The following GBE1 variants were observed in gnomAD, a reference collection of about 807,000 sequenced individuals.
The protein encoded by GBE1 is 1,4-alpha-glucan-branching enzyme.
A neutral mutation model predicts 88.8 loss-of-function variants in GBE1; 70 were observed. That is an observed-to-expected ratio of 0.79 (90% CI 0.65 to 0.96). The LOEUF (loss-of-function observed/expected upper bound fraction) is 0.96. Among genes scored for constraint, GBE1 ranks in the 40% least tolerant of loss-of-function variants. The pLI is 0.00. For missense variants in GBE1, 872 were observed against 871.0 expected, an observed-to-expected ratio of 1.00 and a Z score of -0.01; for synonymous variants, 284 against 300.1, an observed-to-expected ratio of 0.95 and a Z score of 0.56.
intron 12 of GBE1, among the ~76,000 whole-genome samples, chr3:81,547,246 G>C (rs374522505): frequency 2.6e-5 from 4 of 151,402 alleles, no homozygotes; most frequent in Non-Finnish European, 5.9e-5. Flanking sequence ...ACTTGGGTTC[G>C]AGGCCCAACT....
chr3:81,687,286 G>A (rs1026796569), intron 2 of GBE1, among the ~76,000 whole-genome samples: 1 of 152,170 alleles, frequency 6.6e-6, no homozygotes, highest in Non-Finnish European at 1.5e-5. Flanking sequence ...CAGATGGAGA[G>A]GCTGAGGGGA....
intron 7 of GBE1, among the ~76,000 whole-genome samples, chr3:81,637,201 C>G (rs1464951446): frequency 6.6e-6 from 1 of 152,140 alleles, no homozygotes; most frequent in Non-Finnish European, 1.5e-5. Context: ...ACTGTACTCA[C>G]TCTTCTTCTT....
chr3:81,614,773 C>T (rs1360141991), intron 7 of GBE1, among the ~76,000 whole-genome samples: 4 of 152,150 alleles, frequency 2.6e-5, no homozygotes, highest in Non-Finnish European at 5.9e-5. Context: ...GCAGGAGAAT[C>T]GCTTGAACCC....
At chr3:81,503,562 G>T (rs182991342) in intron 14 of GBE1, among the ~76,000 whole-genome samples, 2 of 152,154 alleles carry the variant, frequency 1.3e-5, no homozygotes, top group African/African-American at 2.4e-5. Flanking sequence ...TGTGGGAAAG[G>T]AGAGACATAG....
chr3:81,696,325 C>T (rs1360148303), intron 2 of GBE1, among the ~76,000 whole-genome samples: 1 of 152,130 alleles, frequency 6.6e-6, no homozygotes. Flanking sequence ...AACCTCTCCA[C>T]AATGCAAAAC....
intron 7 of GBE1, among the ~76,000 whole-genome samples, chr3:81,596,436 G>A (rs1005954319): frequency 1.6e-4 from 24 of 151,584 alleles, no homozygotes; most frequent in Admixed American, 6.6e-4. Context: ...ATCTCTCCCC[G>A]CTAAGTCGAT....
Position 81,671,522 on chromosome 3 carries a change from G to A in GBE1, c.314-569C>T, listed in dbSNP as rs556660763. Among the ~76,000 whole-genome samples the A allele has an allele frequency of 4.6e-5, 7 of 152,138 alleles. No homozygotes were observed. In the East Asian group the frequency reaches 9.7e-4, roughly 21 times the overall value. ...CCAACAAGAGCAGACTCACACACAC[G>A]ACACTTAACGTATCATAAGGGAGGC... On this transcript the variant is annotated intron_variant, in intron 2 of 15. Coordinates refer to ENST00000429644, the MANE Select transcript of GBE1 (RefSeq NM_000158.4).
intron 2 of GBE1, among the ~76,000 whole-genome samples, chr3:81,696,580 A>G (rs1705599148): frequency 6.6e-6 from 1 of 152,218 alleles, no homozygotes; most frequent in Admixed American, 6.5e-5. Context: ...TAACTTGATA[A>G]GAGAATATGA....
At chr3:81,557,547 G>A (rs1484377029) in intron 12 of GBE1, among the ~76,000 whole-genome samples, 3 of 151,896 alleles carry the variant, frequency 2.0e-5, no homozygotes, top group African/African-American at 7.2e-5. Flanking sequence ...AGAAGAAAGG[G>A]TATCAAGATT....
chr3:81,507,349 G>A (rs1471104585), intron 14 of GBE1, among the ~76,000 whole-genome samples: 1 of 152,082 alleles, frequency 6.6e-6, no homozygotes, highest in African/African-American at 2.4e-5. Context: ...CAGATCACGA[G>A]GTCAGGAGAT....
intron 5 of GBE1, among the ~76,000 whole-genome samples, chr3:81,647,592 A>T (rs771084126): frequency 6.6e-6 from 1 of 152,130 alleles, no homozygotes. Flanking sequence ...TTCGAATATG[A>T]TTTCATTACT....
At chr3:81,494,054 T>C (rs1702472129) in intron 15 of GBE1, among the ~76,000 whole-genome samples, 3 of 152,150 alleles carry the variant, frequency 2.0e-5, no homozygotes. Flanking sequence ...TTCACAATTG[T>C]ACAGTATCAT....
intron 2 of GBE1, among the ~76,000 whole-genome samples, chr3:81,700,125 G>T (rs1164145489): frequency 1.3e-5 from 2 of 152,164 alleles, no homozygotes; most frequent in African/African-American, 4.8e-5. Context: ...CCACTACAGC[G>T]AAAATGAACA....
rs754335538 is a variant in GBE1, at chr3:81,705,541, G to A, written c.216C>T (p.Gly72=). The change falls in exon 2 of 16, where the codon GGC becomes GGT. Residue 72 remains glycine, a synonymous_variant. Coordinates refer to ENST00000429644, the MANE Select transcript of GBE1 (RefSeq NM_000158.4). ...ATCTGTGGACGCCAAATGATTCATAGCCTCTGGAAAACTTATCAATACCAC... is the reference window on the plus strand; with the variant it reads ...ATCTGTGGACGCCAAATGATTCATAACCTCTGGAAAACTTATCAATACCAC... ...NEGGIDKFSR[G]YESFGVHRCA... is the part of the protein sequence containing the mutation. 1.3e-6 allele frequency: 2 copies of A among 1,596,962 alleles called. No homozygotes were observed. The highest frequency in any genetic ancestry group is 2.3e-5 in the South Asian group (2 of 88,102).
In GBE1 at chr3:81,490,546, C is replaced by T; in HGVS notation, c.2053-83G>A. 4 of 1,081,682 alleles carry T rather than the reference C, an allele frequency of 3.7e-6. 1 individual carries two copies. The highest frequency in any genetic ancestry group is 2.6e-5 in the South Asian group (2 of 76,538). The allele number at this position is 1,081,682 out of a possible 1,614,324, so 67.0% of individuals were successfully genotyped here. On this transcript the variant is annotated intron_variant, in intron 15 of 15. Coordinates refer to ENST00000429644, the MANE Select transcript of GBE1 (RefSeq NM_000158.4). Reference sequence around the variant, plus strand: ...ATGTCAAAGAAACATAGGCATGACGCAGTCTCACATCTGCCTAAAGTTACA... The same window carrying T: ...ATGTCAAAGAAACATAGGCATGACGTAGTCTCACATCTGCCTAAAGTTACA...
chr3:81,628,763 A>G lies in GBE1; in HGVS notation c.992+14018T>C, dbSNP rs1047864336. 1.0e-3 allele frequency among the ~76,000 whole-genome samples: 126 copies of G among 124,524 alleles called. 1 individual carries two copies. Among genetic ancestry groups the G allele is most frequent in the African/African-American group, 3.5e-3 (111 of 31,988 alleles). The allele number at this position is 124,524 out of a possible 152,430, so 81.7% of individuals were successfully genotyped here. A position where few individuals can be genotyped will look rare whatever the true frequency, so the allele number is the denominator to read the frequency against. On this transcript the variant is annotated intron_variant, in intron 7 of 15. Coordinates refer to ENST00000429644, the MANE Select transcript of GBE1 (RefSeq NM_000158.4). ...ATTGCATATATATATATATATATAT[A>G]TATATATATATATATATATAGCAAC...
At chr3:81,627,979 T>C (rs1704442553) in intron 7 of GBE1, among the ~76,000 whole-genome samples, 1 of 151,902 alleles carries the variant, frequency 6.6e-6, no homozygotes, top group Non-Finnish European at 1.5e-5. Context: ...TTTTAATATT[T>C]TAAATCTTAT....
chr3:81,496,378 G>A (rs1421425491), intron 15 of GBE1, among the ~76,000 whole-genome samples: 1 of 152,162 alleles, frequency 6.6e-6, no homozygotes, highest in Non-Finnish European at 1.5e-5. Context: ...AGATTCCTTC[G>A]GGCTGTTTGT....
At chr3:81,666,324 G>C (rs1298982054) in intron 3 of GBE1, among the ~76,000 whole-genome samples, 1 of 152,066 alleles carries the variant, frequency 6.6e-6, no homozygotes, top group Non-Finnish European at 1.5e-5. Flanking sequence ...TATAAGAAGG[G>C]CTACTTTTCT....
Sources: allele counts gnomAD v4.1 joint callset (sites outside exome capture counted in the v4.1 genomes callset), GRCh38; gene constraint gnomAD v4.1.1; transcripts MANE v1.5; gene names NCBI Gene and HGNC (gene_info 2026-07-23, HGNC 2026-07-21).